The following SPATA16 variants were observed in gnomAD, a reference collection of about 807,000 sequenced individuals.
The protein encoded by SPATA16 is spermatogenesis associated 16, also known as spermatogenesis-associated protein 16.
Under a neutral mutation model 63.3 loss-of-function variants are expected in SPATA16, and 36 were observed. The ratio of observed to expected loss-of-function variants is 0.57; its 90% CI spans 0.44 to 0.75. The LOEUF is 0.75. SPATA16 is among the 30% of genes least tolerant of loss of function. The probability of loss-of-function intolerance (pLI) is 0.00; values close to 1 mark genes in which losing one functional copy is unlikely to be tolerated. For missense variants in SPATA16, 646 were observed against 679.3 expected (o/e 0.95, Z 0.54); for synonymous variants, 203 against 216.7 (o/e 0.94, Z 0.56).
chr3:173,065,013 T>C (rs1228583312), intron 2 of SPATA16, among the ~76,000 whole-genome samples: 1 of 152,226 alleles, frequency 6.6e-6, no homozygotes, highest in Admixed American at 6.5e-5. Flanking sequence ...TTCTTCCTTT[T>C]CTTCTAGTAC....
intron 5 of SPATA16, among the ~76,000 whole-genome samples, chr3:172,957,238 C>A (rs1733619593): frequency 6.6e-6 from 1 of 152,090 alleles, no homozygotes; most frequent in South Asian, 2.1e-4. Flanking sequence ...AAAGTATATT[C>A]TGTAAATAAC....
intron 4 of SPATA16, among the ~76,000 whole-genome samples, chr3:172,985,073 T>C (rs1734415685): frequency 6.6e-6 from 1 of 152,240 alleles, no homozygotes; most frequent in Non-Finnish European, 1.5e-5. Context: ...CTAAAAACTA[T>C]ATTCACTGTG....
intron 2 of SPATA16, among the ~76,000 whole-genome samples, chr3:173,110,479 G>C (rs1446747522): frequency 6.6e-6 from 1 of 152,156 alleles, no homozygotes; most frequent in African/African-American, 2.4e-5. Flanking sequence ...AACAATGTTG[G>C]TAAACACATA....
intron 6 of SPATA16, among the ~76,000 whole-genome samples, chr3:172,937,744 T>C (rs1403224106): frequency 6.6e-6 from 1 of 152,194 alleles, no homozygotes; most frequent in South Asian, 2.1e-4. Flanking sequence ...ATCAGCTTCC[T>C]TTACTAAAAT....
intron 4 of SPATA16, among the ~76,000 whole-genome samples, chr3:172,982,198 G>A (rs141375222): frequency 6.6e-6 from 1 of 152,184 alleles, no homozygotes; most frequent in Non-Finnish European, 1.5e-5. Context: ...TAGCTTACTA[G>A]GATTCTAGCA....
chr3:173,009,448 T>C (rs1577129807), intron 4 of SPATA16, among the ~76,000 whole-genome samples: 2 of 152,256 alleles, frequency 1.3e-5, no homozygotes, highest in East Asian at 3.9e-4. Context: ...CCTCTGACTC[T>C]CCAGGGTCTC....
At chr3:173,049,138 A>G (rs1377568787) in intron 2 of SPATA16, 44 bp from the exon 3 acceptor site, 2 of 1,555,136 alleles carry the variant, frequency 1.3e-6, no homozygotes, top group Admixed American at 3.8e-5. Context: ...AATCTTTCAT[A>G]TAATTTATCT....
chr3:173,019,722 G>A (rs979445573), intron 3 of SPATA16, 147 bp from the exon 4 acceptor site: 17 of 701,928 alleles, frequency 2.4e-5, no homozygotes, highest in South Asian at 4.8e-5. Context: ...CCCGCCCCCC[G>A]TAATTGGCAA....
intron 10 of SPATA16, among the ~76,000 whole-genome samples, chr3:172,902,521 T>C (rs980273215): frequency 6.6e-6 from 1 of 152,260 alleles, no homozygotes; most frequent in African/African-American, 2.4e-5. Context: ...TAAATAGCTT[T>C]ATTAATATGA....
chr3:173,134,829 A>G (rs1430534925), intron 1 of SPATA16, among the ~76,000 whole-genome samples: 1 of 152,256 alleles, frequency 6.6e-6, no homozygotes, highest in East Asian at 1.9e-4. Context: ...TATCTTACAT[A>G]ATGCACAAAA....
intron 4 of SPATA16, among the ~76,000 whole-genome samples, chr3:172,980,479 T>G (rs1734274879): frequency 6.6e-6 from 1 of 152,222 alleles, no homozygotes; most frequent in East Asian, 1.9e-4. Context: ...GTACCTGCAA[T>G]GGAGCTATAA....
chr3:173,041,409 A>T (rs1453994840), intron 3 of SPATA16, among the ~76,000 whole-genome samples: 1 of 152,182 alleles, frequency 6.6e-6, no homozygotes, highest in Non-Finnish European at 1.5e-5. Context: ...TTAAGAGTTG[A>T]TGAAAATGAG....
At chr3:173,110,450 G>A (rs1737721591) in intron 2 of SPATA16, among the ~76,000 whole-genome samples, 1 of 152,206 alleles carries the variant, frequency 6.6e-6, no homozygotes, top group African/African-American at 2.4e-5. Context: ...TAATCAAAGA[G>A]TTTGGGCTAT....
At chr3:173,114,542 A>G (rs1313522257) in intron 2 of SPATA16, among the ~76,000 whole-genome samples, 3 of 152,226 alleles carry the variant, frequency 2.0e-5, no homozygotes, top group Non-Finnish European at 4.4e-5. Context: ...GAAAGGAGAT[A>G]TAACCTGGCA....
chr3:173,096,356 T>C (rs1422312384), intron 2 of SPATA16, among the ~76,000 whole-genome samples: 4 of 152,124 alleles, frequency 2.6e-5, no homozygotes, highest in African/African-American at 9.7e-5. Flanking sequence ...AAGGGACTTT[T>C]TGAACTTGTT....
At chr3:172,910,709 T>G (rs1732351551) in intron 10 of SPATA16, among the ~76,000 whole-genome samples, 1 of 152,204 alleles carries the variant, frequency 6.6e-6, no homozygotes. Context: ...TCTTAGTCTC[T>G]GTCATGGGCT....
chr3:173,103,592 G>A (rs549588775), intron 2 of SPATA16, among the ~76,000 whole-genome samples: 55 of 152,370 alleles, frequency 3.6e-4, no homozygotes, highest in Admixed American at 8.5e-4. Context: ...GGAATGGCCT[G>A]GATGCAGGGA....
At chr3:173,119,778 T>C (rs532443024) in intron 1 of SPATA16, among the ~76,000 whole-genome samples, 12 of 152,012 alleles carry the variant, frequency 7.9e-5, no homozygotes, top group Non-Finnish European at 1.5e-4. Flanking sequence ...CTCTTACAAA[T>C]GTTGCTGGCC....
At chr3:172,915,818 A>T (rs1443732424) in intron 9 of SPATA16, among the ~76,000 whole-genome samples, 1 of 152,154 alleles carries the variant, frequency 6.6e-6, no homozygotes, top group Non-Finnish European at 1.5e-5. Flanking sequence ...CCTTCAAATA[A>T]ACAGCTTTTG....
Sources: allele counts gnomAD v4.1 joint callset (sites outside exome capture counted in the v4.1 genomes callset), GRCh38; gene constraint gnomAD v4.1.1; transcripts MANE v1.5; gene names NCBI Gene and HGNC (gene_info 2026-07-23, HGNC 2026-07-21).